DLGAP2: variants seen among roughly 807,000 people sequenced by gnomAD.
DLGAP2 encodes the protein disks large-associated protein 2.
In DLGAP2, 26 loss-of-function variants were observed where a neutral mutation model predicts 100.3. The ratio of observed to expected loss-of-function variants is 0.26; its 90% confidence interval spans 0.19 to 0.36. DLGAP2 has a LOEUF of 0.36. Ranked by LOEUF, DLGAP2 falls within the 10% of genes least tolerant of loss-of-function variation. The probability of loss-of-function intolerance (pLI) is 1.00; values close to 1 mark genes in which losing one functional copy is unlikely to be tolerated. For missense variants in DLGAP2, 1,858 were observed against 1,453.2 expected, an observed-to-expected ratio of 1.28 and a Z score of -4.53; for synonymous variants, 886 against 630.1, an observed-to-expected ratio of 1.41 and a Z score of -6.08.
chr8:868,031 A>C (rs1325948885), intron 1 of DLGAP2, among the ~76,000 whole-genome samples: 1 of 152,232 alleles, frequency 6.6e-6, no homozygotes, highest in Non-Finnish European at 1.5e-5. Flanking sequence ...CCATTGCTTA[A>C]AATGTATGAT....
chr8:1,329,297 A>C (rs1467548548), intron 3 of DLGAP2, among the ~76,000 whole-genome samples: 2 of 152,242 alleles, frequency 1.3e-5, no homozygotes, highest in Admixed American at 6.5e-5. Flanking sequence ...GCACAAGTGC[A>C]CCAGAGAGTG....
intron 2 of DLGAP2, among the ~76,000 whole-genome samples, chr8:919,030 T>G (rs1342604198): frequency 1.3e-5 from 2 of 152,200 alleles, no homozygotes; most frequent in African/African-American, 4.8e-5. Flanking sequence ...AGCCTCAAGT[T>G]CCTGGGCTCA....
At position 1,444,267 on chromosome 8, in the gene DLGAP2, A is replaced by C. The variant is rs1040168125; in HGVS notation, c.107-57099A>C. On this transcript the variant is annotated intron_variant, in intron 3 of 14. Coordinates refer to ENST00000637795, the MANE Select transcript of DLGAP2 (RefSeq NM_001346810.2). ...CACCCGTCTCAATATCATCGTCTTCAATACTATGGCTGAAATATAATTTGC... is the reference window on the plus strand; with the variant it reads ...CACCCGTCTCAATATCATCGTCTTCCATACTATGGCTGAAATATAATTTGC... Among the ~76,000 whole-genome samples, 8 of 152,336 alleles carry C rather than the reference A, an allele frequency of 5.3e-5. No homozygotes were observed. The South Asian group carries it at 1.4e-3, about 28-fold the overall frequency.
chr8:1,531,260 G>T (rs1389937437), intron 4 of DLGAP2, among the ~76,000 whole-genome samples: 1 of 151,916 alleles, frequency 6.6e-6, no homozygotes, highest in Non-Finnish European at 1.5e-5. Flanking sequence ...GTGTGTGTGT[G>T]TGTGTGTGTG....
chr8:1,568,090 G>C (rs188857590), intron 6 of DLGAP2, among the ~76,000 whole-genome samples: 2 of 116,512 alleles, frequency 1.7e-5, no homozygotes, highest in Non-Finnish European at 3.5e-5. Flanking sequence ...ACACAAATCC[G>C]TCTCTGCCTG....
chr8:1,513,823 G>T (rs117902488), intron 4 of DLGAP2, among the ~76,000 whole-genome samples: 1 of 152,050 alleles, frequency 6.6e-6, no homozygotes, highest in East Asian at 1.9e-4. Context: ...TACAGTCCAA[G>T]GTCCAACACG....
intron 2 of DLGAP2, among the ~76,000 whole-genome samples, chr8:1,099,950 A>C (rs1386361375): frequency 6.6e-6 from 1 of 152,212 alleles, no homozygotes; most frequent in Admixed American, 6.5e-5. Flanking sequence ...GCTTCCCGAG[A>C]TTTCAGTTAC....
At chr8:1,297,248 G>T (rs1800202617) in intron 3 of DLGAP2, 1 of 152,244 alleles carries the variant, frequency 6.6e-6, no homozygotes, top group Admixed American at 6.5e-5. Flanking sequence ...GCATGCATTT[G>T]TATCCACAAA....
chr8:1,632,083 G>C (rs1797661396), intron 7 of DLGAP2, among the ~76,000 whole-genome samples: 1 of 151,774 alleles, frequency 6.6e-6, no homozygotes, highest in African/African-American at 2.4e-5. Flanking sequence ...AGGGGAGAAA[G>C]AGAGACAGGG....
chr8:901,084 A>G (rs911823162), intron 1 of DLGAP2, among the ~76,000 whole-genome samples: 32 of 152,296 alleles, frequency 2.1e-4, no homozygotes, highest in African/African-American at 6.7e-4. Context: ...TGAGGCCAAG[A>G]GTTTGTGACC....
intron 3 of DLGAP2, among the ~76,000 whole-genome samples, chr8:1,484,981 A>G (rs540269407): frequency 2.0e-4 from 30 of 152,340 alleles, no homozygotes; most frequent in Admixed American, 1.0e-3. Flanking sequence ...ATAAGAAGGC[A>G]TTATCTTAAA....
At position 881,666 on chromosome 8, in the gene DLGAP2, A is replaced by ATATATATATATATATATATAT; in HGVS notation, c.19-26246_19-26245insTATATATATATATATATATAT. Among the ~76,000 whole-genome samples the ATATATATATATATATATATAT allele has an allele frequency of 4.7e-4, 61 of 131,044 alleles. 1 individual carries two copies. The highest frequency in any genetic ancestry group is 1.6e-3 in the African/African-American group (60 of 36,738). The allele number at this position is 131,044 out of a possible 152,430, so 86.0% of individuals were successfully genotyped here. A position where few individuals can be genotyped will look rare whatever the true frequency, so the allele number is the denominator to read the frequency against. On this transcript the variant is annotated intron_variant, in intron 1 of 14. Coordinates refer to ENST00000637795, the MANE Select transcript of DLGAP2 (RefSeq NM_001346810.2). ...AGGCGCACGCCACCACTTGTGGCTG[A>ATATATATATATATATATATAT]ACACACACACACACACTTTTTTTTT... is the stretch of plus-strand genomic sequence containing the variant.
At chr8:1,685,060 C>A (rs1190915107) in intron 12 of DLGAP2, among the ~76,000 whole-genome samples, 2 of 152,098 alleles carry the variant, frequency 1.3e-5, no homozygotes, top group African/African-American at 4.8e-5. Context: ...CCAGAATGAC[C>A]ACAAGTCCTA....
chr8:1,076,924 A>G (rs1157780984), intron 2 of DLGAP2, among the ~76,000 whole-genome samples: 6 of 62,440 alleles, frequency 9.6e-5, no homozygotes, highest in African/African-American at 2.8e-4. Flanking sequence ...GACCAAGAGG[A>G]GGAGGAGGAG....
intron 2 of DLGAP2, among the ~76,000 whole-genome samples, chr8:1,133,689 A>G (rs1796343731): frequency 6.6e-6 from 1 of 152,248 alleles, no homozygotes; most frequent in African/African-American, 2.4e-5. Context: ...TGAGGAATTC[A>G]TATTAATATT....
chr8:1,670,176 C>T (rs1017826883), intron 10 of DLGAP2, among the ~76,000 whole-genome samples: 12 of 152,242 alleles, frequency 7.9e-5, no homozygotes, highest in African/African-American at 2.7e-4. Context: ...CCAGGATATC[C>T]ACCCAGCCAC....
At chr8:1,096,272 C>G (rs574924054) in intron 2 of DLGAP2, among the ~76,000 whole-genome samples, 2 of 152,324 alleles carry the variant, frequency 1.3e-5, no homozygotes, top group African/African-American at 4.8e-5. Flanking sequence ...CAAGCCTTGC[C>G]AAGCCTTTGC....
chr8:1,473,018 C>A (rs1353309406), intron 3 of DLGAP2, among the ~76,000 whole-genome samples: 2 of 152,114 alleles, frequency 1.3e-5, no homozygotes, highest in East Asian at 3.8e-4. Flanking sequence ...GCAACCTCCG[C>A]CTCCCAGGTT....
intron 2 of DLGAP2, among the ~76,000 whole-genome samples, chr8:926,716 C>G (rs906048724): frequency 6.6e-6 from 1 of 152,214 alleles, no homozygotes; most frequent in African/African-American, 2.4e-5. Context: ...CTGGCAGCAG[C>G]TGAGCCATGT....
Sources: allele counts gnomAD v4.1 joint callset (sites outside exome capture counted in the v4.1 genomes callset), GRCh38; gene constraint gnomAD v4.1.1; transcripts MANE v1.5; gene names NCBI Gene and HGNC (gene_info 2026-07-23, HGNC 2026-07-21).